The following LIPA variants were observed in gnomAD, a reference collection of about 807,000 sequenced individuals.
LIPA encodes lipase A, lysosomal acid type.
LIPA carries 26 observed loss-of-function variants against 40.6 expected under a neutral mutation model. That is an observed-to-expected ratio of 0.64 (90% confidence interval 0.47 to 0.89). The LOEUF (loss-of-function observed/expected upper bound fraction) is 0.89, where lower values mean the gene tolerates loss of function less well. Ranked by LOEUF, LIPA falls within the 40% of genes least tolerant of loss-of-function variation. The pLI is 0.00. For missense variants in LIPA, 455 were observed against 479.6 expected (o/e 0.95, Z 0.48); for synonymous variants, 188 against 168.4 (o/e 1.12, Z -0.90).
At chr10:89,392,793 G>A in intron 2 of LIPA, 1 of 1,479,886 alleles carries the variant, frequency 6.8e-7, no homozygotes, top group Non-Finnish European at 9.4e-7. Flanking sequence ...ATTTCAACAG[G>A]TTAGATCTCA....
At chr10:89,249,822 T>C (rs2133473371) in intron 1 of LIPA, among the ~76,000 whole-genome samples, 1 of 152,348 alleles carries the variant, frequency 6.6e-6, no homozygotes, top group African/African-American at 2.4e-5. Context: ...GTACTGATGG[T>C]TTCACAGGTG....
At chr10:89,395,302 G>T (rs1390733300) in intron 2 of LIPA, among the ~76,000 whole-genome samples, 2 of 151,608 alleles carry the variant, frequency 1.3e-5, no homozygotes, top group Non-Finnish European at 2.9e-5. Context: ...CTCTCCACAG[G>T]AAACCCACCT....
At chr10:89,414,445 G>GC (rs1320041053) in exon 1 of LIPA, 5 of 276,926 alleles carry the variant, frequency 1.8e-5, no homozygotes, top group African/African-American at 1.1e-4. Flanking sequence ...AAGTGAAGGA[G>GC]CCCAGCTGCA....
At chr10:89,266,661 A>T (rs1589583271) in intron 1 of LIPA, among the ~76,000 whole-genome samples, 2 of 152,204 alleles carry the variant, frequency 1.3e-5, no homozygotes, top group East Asian at 3.8e-4. Context: ...TCTTGAGTGG[A>T]AAATAAGGGG....
upstream of LIPA, among the ~76,000 whole-genome samples, chr10:89,343,365 C>G (rs1237360026): frequency 6.6e-6 from 1 of 152,108 alleles, no homozygotes; most frequent in Non-Finnish European, 1.5e-5. Context: ...AAGTATGGGG[C>G]AGGATTCCTC....
intron 2 of LIPA, among the ~76,000 whole-genome samples, chr10:89,409,303 C>G (rs539702028): frequency 6.6e-6 from 1 of 152,120 alleles, no homozygotes; most frequent in African/African-American, 2.4e-5. Flanking sequence ...AGAGAAAGAC[C>G]GCAGCCTTAG....
chr10:89,357,388 C>T (rs902264231), intron 2 of LIPA, among the ~76,000 whole-genome samples: 9 of 152,322 alleles, frequency 5.9e-5, no homozygotes, highest in South Asian at 2.1e-4. Flanking sequence ...TGAGGTCAAC[C>T]TCTTGGTGCT....
chr10:89,405,133 CAATT>C (rs1844509744), intron 2 of LIPA: 1 of 152,156 alleles, frequency 6.6e-6, no homozygotes, highest in African/African-American at 2.4e-5. Context: ...AGTACAGAGT[CAATT>C]AAAGGTTAGT....
At chr10:89,274,739 T>C (rs1843281677) in intron 1 of LIPA, among the ~76,000 whole-genome samples, 1 of 152,098 alleles carries the variant, frequency 6.6e-6, no homozygotes, top group South Asian at 2.1e-4. Flanking sequence ...CCACCAGAAC[T>C]CCCAGCAGGT....
chr10:89,294,490 C>T (rs768232571), intron 1 of LIPA, among the ~76,000 whole-genome samples: 5 of 152,154 alleles, frequency 3.3e-5, no homozygotes, highest in African/African-American at 7.2e-5. Context: ...TTATATGGAA[C>T]TCCGTCCCTC....
chr10:89,294,344 T>C (rs933669960), intron 1 of LIPA, among the ~76,000 whole-genome samples: 2 of 152,236 alleles, frequency 1.3e-5, no homozygotes, highest in Middle Eastern at 3.2e-3. Flanking sequence ...CAGACATTTA[T>C]GGACACATGG....
intron 5 of LIPA, among the ~76,000 whole-genome samples, chr10:89,226,022 C>T (rs1293769516): frequency 6.6e-6 from 1 of 152,166 alleles, no homozygotes; most frequent in Non-Finnish European, 1.5e-5. Flanking sequence ...TGCCCAGTCT[C>T]GGGTATGTCT....
intron 1 of LIPA, among the ~76,000 whole-genome samples, chr10:89,291,067 G>A (rs1843371750): frequency 6.6e-6 from 1 of 151,866 alleles, no homozygotes; most frequent in Admixed American, 6.6e-5. Flanking sequence ...TGCAAAATAT[G>A]GATGTAGGAT....
chr10:89,225,064 A>C (rs1463202129), intron 6 of LIPA, 28 bp downstream of exon 6: 1 of 1,612,178 alleles, frequency 6.2e-7, no homozygotes, highest in South Asian at 1.1e-5. Context: ...CTGCGGGGAG[A>C]GGAGAGGGAT....
At chr10:89,384,844 C>G in intron 2 of LIPA, 1 of 1,028,060 alleles carries the variant, frequency 9.7e-7, no homozygotes, top group Non-Finnish European at 1.4e-6. Flanking sequence ...TTATTTTGAG[C>G]CTTGAGAGGA....
intron 2 of LIPA, chr10:89,402,536 C>T: frequency 6.2e-7 from 1 of 1,614,106 alleles, no homozygotes; most frequent in African/African-American, 1.3e-5. Flanking sequence ...AAGAACATGA[C>T]AACCAAGCAA....
chr10:89,344,226 G>A (rs1843896965), upstream of LIPA, among the ~76,000 whole-genome samples: 1 of 152,188 alleles, frequency 6.6e-6, no homozygotes, highest in Non-Finnish European at 1.5e-5. Flanking sequence ...TAAATGCACA[G>A]CTGCATTTAT....
chr10:89,365,982 G>T (rs1435603663), intron 2 of LIPA, among the ~76,000 whole-genome samples: 2 of 152,158 alleles, frequency 1.3e-5, no homozygotes, highest in Non-Finnish European at 2.9e-5. Flanking sequence ...TTCCAATTCT[G>T]TGAAGAAAGT....
rs531074565 is a variant in LIPA at position 89,391,587 on chromosome 10, T to C, written c.61+21204A>G. Among the ~76,000 whole-genome samples, 82 of 152,088 alleles carry C rather than the reference T, an allele frequency of 5.4e-4. 1 individual carries two copies. The highest frequency in any genetic ancestry group is 1.1e-3 in the Non-Finnish European group (74 of 68,010). On this transcript the variant is annotated intron_variant, in intron 2 of 8. Coordinates refer to the LIPA transcript ENST00000371837. The stretch of plus-strand genomic sequence containing the variant: ...GCTCTGTCACCAGACTGGAGTACAG[T>C]GGTGTGATCTCGGCTCACTGCAACC...
Sources: allele counts gnomAD v4.1 joint callset (sites outside exome capture counted in the v4.1 genomes callset), GRCh38; gene constraint gnomAD v4.1.1; transcripts MANE v1.5; gene names NCBI Gene and HGNC (gene_info 2026-07-23, HGNC 2026-07-21).